FHIT: variants seen among roughly 807,000 people sequenced by gnomAD.
FHIT encodes the protein fragile histidine triad diadenosine triphosphatase.
FHIT carries 19 observed loss-of-function variants against 17.9 expected under a neutral mutation model. The ratio of observed to expected loss-of-function variants is 1.06; its 90% CI spans 0.74 to 1.56. The LOEUF is 1.56. Among genes scored for constraint, FHIT ranks in the 40% most tolerant of loss-of-function variants. The pLI, the probability that FHIT is intolerant of heterozygous loss-of-function variation, is 0.00. For missense variants in FHIT, 248 were observed against 189.2 expected (o/e 1.31, Z -1.82); for synonymous variants, 81 against 69.7 (o/e 1.16, Z -0.81).
At chr3:59,753,671 A>G (rs1559572734) in intron 8 of FHIT, among the ~76,000 whole-genome samples, 1 of 152,202 alleles carries the variant, frequency 6.6e-6, no homozygotes, top group Non-Finnish European at 1.5e-5. Context: ...AGCATTTATG[A>G]TGTGAAAGGC....
intron 3 of FHIT, among the ~76,000 whole-genome samples, chr3:60,983,805 C>T (rs1710600580): frequency 6.6e-6 from 1 of 152,184 alleles, no homozygotes. Context: ...TCATGGCAGA[C>T]ATCTTTGTAC....
intron 4 of FHIT, among the ~76,000 whole-genome samples, chr3:60,700,332 ATT>A (rs1485408860): frequency 1.3e-5 from 2 of 152,156 alleles, no homozygotes; most frequent in African/African-American, 4.8e-5. Context: ...TGATATAGTC[ATT>A]CTTTGCTTTC....
chr3:59,936,456 CTTTAA>C (rs141374193), intron 7 of FHIT, among the ~76,000 whole-genome samples: 73,096 of 151,368 alleles, frequency 0.48, 18,044 homozygotes, highest in East Asian at 0.9. Flanking sequence ...AATTACAGTT[CTTTAA>C]TTTATGTTTC....
At chr3:60,231,498 T>C (rs1258159655) in intron 5 of FHIT, among the ~76,000 whole-genome samples, 2 of 152,196 alleles carry the variant, frequency 1.3e-5, no homozygotes, top group Admixed American at 1.3e-4. Context: ...TGGTGAACTT[T>C]GACAGTTTCC....
At chr3:60,173,205 T>G (rs1701495446) in intron 5 of FHIT, among the ~76,000 whole-genome samples, 1 of 152,150 alleles carries the variant, frequency 6.6e-6, no homozygotes, top group African/African-American at 2.4e-5. Context: ...TGAAAGATCA[T>G]GATGGATTAT....
chr3:60,046,368 G>A (rs1188170656), intron 5 of FHIT, among the ~76,000 whole-genome samples: 4 of 152,234 alleles, frequency 2.6e-5, no homozygotes, highest in Non-Finnish European at 5.9e-5. Context: ...AGCTGCGTCT[G>A]TCAATGGAAT....
chr3:60,289,719 G>A (rs369159120), intron 5 of FHIT, among the ~76,000 whole-genome samples: 7 of 152,178 alleles, frequency 4.6e-5, no homozygotes, highest in African/African-American at 1.7e-4. Context: ...GAAATGCCTA[G>A]AAATGATGTT....
intron 5 of FHIT, among the ~76,000 whole-genome samples, chr3:60,490,200 G>T (rs935344335): frequency 6.6e-6 from 1 of 151,918 alleles, no homozygotes; most frequent in African/African-American, 2.4e-5. Flanking sequence ...ATCTTACACT[G>T]TTTGTGTTTA....
intron 8 of FHIT, among the ~76,000 whole-genome samples, chr3:59,900,096 T>C (rs1456790632): frequency 6.6e-6 from 1 of 152,160 alleles, no homozygotes; most frequent in Admixed American, 6.5e-5. Context: ...CTCTTCACAG[T>C]CATCCGGCAC....
chr3:61,151,350 T>G (rs187319959), intron 2 of FHIT, among the ~76,000 whole-genome samples: 77 of 152,312 alleles, frequency 5.1e-4, no homozygotes, highest in Admixed American at 1.8e-3. Context: ...TCCCACTCAT[T>G]TCCAGGAATG....
chr3:60,809,609 T>C (rs1553735483), intron 4 of FHIT, among the ~76,000 whole-genome samples: 2 of 152,194 alleles, frequency 1.3e-5, no homozygotes, highest in African/African-American at 4.8e-5. Context: ...CAAACCTTAG[T>C]ACATAAGAAT....
intron 3 of FHIT, among the ~76,000 whole-genome samples, chr3:60,873,009 C>T (rs1264052570): frequency 2.6e-5 from 4 of 152,086 alleles, no homozygotes; most frequent in South Asian, 2.1e-4. Context: ...ATAACTCTTG[C>T]GTTCTTAGAT....
chr3:61,063,568 T>C (rs2034502477), intron 2 of FHIT, among the ~76,000 whole-genome samples: 1 of 152,144 alleles, frequency 6.6e-6, no homozygotes, highest in Admixed American at 6.5e-5. Context: ...AGTCTGACTG[T>C]AAGACTCCTG....
intron 7 of FHIT, among the ~76,000 whole-genome samples, chr3:59,968,924 T>A (rs902593092): frequency 2.0e-5 from 3 of 152,180 alleles, no homozygotes; most frequent in Admixed American, 6.6e-5. Flanking sequence ...AGACCAAGAA[T>A]GCAACATTTC....
intron 3 of FHIT, among the ~76,000 whole-genome samples, chr3:60,970,191 G>T (rs892639360): frequency 1.3e-5 from 2 of 152,136 alleles, no homozygotes; most frequent in South Asian, 2.1e-4. Context: ...CCCAACTAAG[G>T]CTGAAGATTT....
At chr3:60,124,049 G>GAGAGAGAGAGAGAGAC (rs1705421859) in intron 5 of FHIT, among the ~76,000 whole-genome samples, 1 of 109,474 alleles carries the variant, frequency 9.1e-6, no homozygotes, top group African/African-American at 4.4e-5. Context: ...GAGAGAGAGA[G>GAGAGAGAGAGAGAGAC]AGAGAGACAG....
chr3:61,113,224 G>A (rs911946703), intron 2 of FHIT, among the ~76,000 whole-genome samples: 5 of 151,854 alleles, frequency 3.3e-5, no homozygotes, highest in Admixed American at 2.0e-4. Context: ...TGCCCAGGCT[G>A]CTCTCAAACT....
rs1386661979 is a variant in FHIT, at chr3:61,189,778, C to T, written c.-164+10839G>A. ...AGAACAGAGCCCTCAGAAATAATGCCACATATCTACAACTATCTGATCTTT... is the reference window on the plus strand; with the variant it reads ...AGAACAGAGCCCTCAGAAATAATGCTACATATCTACAACTATCTGATCTTT... On this transcript the variant is annotated intron_variant, in intron 2 of 9. Coordinates refer to ENST00000492590, the MANE Select transcript of FHIT (RefSeq NM_002012.4). Among the ~76,000 whole-genome samples the T allele has an allele frequency of 5.9e-5, 9 of 152,054 alleles. No individual in the cohort carries two copies. In the East Asian group the frequency reaches 1.8e-3, roughly 30 times the overall value.
intron 2 of FHIT, among the ~76,000 whole-genome samples, chr3:61,193,981 G>C (rs1353317175): frequency 6.6e-6 from 1 of 150,630 alleles, no homozygotes; most frequent in Non-Finnish European, 1.5e-5. Flanking sequence ...AGAATGCACA[G>C]CTGTGTAGAA....
Sources: allele counts gnomAD v4.1 joint callset (sites outside exome capture counted in the v4.1 genomes callset), GRCh38; gene constraint gnomAD v4.1.1; transcripts MANE v1.5; gene names NCBI Gene and HGNC (gene_info 2026-07-23, HGNC 2026-07-21).